RCAN2: variants seen among roughly 807,000 people sequenced by gnomAD.
The protein encoded by RCAN2 is calcipressin-2.
Under a neutral mutation model 23.6 loss-of-function variants are expected in RCAN2, and 9 were observed. That is an observed-to-expected ratio of 0.38 (90% CI 0.23 to 0.67). The LOEUF (loss-of-function observed/expected upper bound fraction) is 0.67, where lower values mean the gene tolerates loss of function less well. Ranked by LOEUF, RCAN2 falls within the 30% of genes least tolerant of loss-of-function variation. The pLI, the probability that RCAN2 is intolerant of heterozygous loss-of-function variation, is 0.51. For missense variants in RCAN2, 273 were observed against 302.3 expected, an observed-to-expected ratio of 0.90 and a Z score of 0.72; for synonymous variants, 109 against 115.7, an observed-to-expected ratio of 0.94 and a Z score of 0.37.
chr6:46,312,327 C>T (rs911960067), intron 2 of RCAN2, among the ~76,000 whole-genome samples: 1 of 152,146 alleles, frequency 6.6e-6, no homozygotes, highest in Non-Finnish European at 1.5e-5. Context: ...TATTTGCTCT[C>T]AGGAGGTGCC....
chr6:46,396,400 T>C (rs573579008), intron 2 of RCAN2, among the ~76,000 whole-genome samples: 2 of 152,114 alleles, frequency 1.3e-5, no homozygotes, highest in South Asian at 4.2e-4. Context: ...AGCTTCAGAG[T>C]TGGAGGTGAG....
chr6:46,237,996 C>T (rs1364131405), intron 4 of RCAN2, among the ~76,000 whole-genome samples: 2 of 152,158 alleles, frequency 1.3e-5, no homozygotes, highest in Non-Finnish European at 2.9e-5. Flanking sequence ...AACAGATGAC[C>T]CTTCCCCCTG....
chr6:46,401,758 T>A (rs1308122192), intron 2 of RCAN2, among the ~76,000 whole-genome samples: 1 of 152,148 alleles, frequency 6.6e-6, no homozygotes, highest in East Asian at 1.9e-4. Flanking sequence ...AAACCATAGA[T>A]ATAGTAATAG....
chr6:46,294,512 A>AT (rs1376878592), intron 2 of RCAN2, among the ~76,000 whole-genome samples: 12 of 152,010 alleles, frequency 7.9e-5, no homozygotes, highest in East Asian at 1.9e-4. Context: ...TTTAAGCACA[A>AT]TTTTTTTTAA....
chr6:46,478,934 A>C (rs1048362529), intron 1 of RCAN2, among the ~76,000 whole-genome samples: 1 of 152,236 alleles, frequency 6.6e-6, no homozygotes, highest in Non-Finnish European at 1.5e-5. Flanking sequence ...GGCGATGTGC[A>C]TACAACTGTG....
intron 4 of RCAN2, among the ~76,000 whole-genome samples, chr6:46,235,286 C>T (rs1442194070): frequency 6.6e-6 from 1 of 152,144 alleles, no homozygotes; most frequent in Non-Finnish European, 1.5e-5. Context: ...AAGTTTAGTG[C>T]CTGCTGGACA....
chr6:46,461,828 C>T (rs906730238), intron 1 of RCAN2, among the ~76,000 whole-genome samples: 3 of 152,046 alleles, frequency 2.0e-5, no homozygotes, highest in Non-Finnish European at 4.4e-5. Context: ...TCAGGTGATC[C>T]GCCTGCCTCA....
At chr6:46,396,463 C>T (rs1259585792) in intron 2 of RCAN2, among the ~76,000 whole-genome samples, 1 of 152,070 alleles carries the variant, frequency 6.6e-6, no homozygotes, top group African/African-American at 2.4e-5. Context: ...TCAAAAGACC[C>T]GTATTTGACC....
chr6:46,397,526 T>A (rs1766129459), intron 2 of RCAN2, among the ~76,000 whole-genome samples: 1 of 152,154 alleles, frequency 6.6e-6, no homozygotes, highest in Non-Finnish European at 1.5e-5. Context: ...ATGCTACCTT[T>A]GGGGGAAGCT....
intron 2 of RCAN2, among the ~76,000 whole-genome samples, chr6:46,451,523 G>C (rs943673353): frequency 6.6e-6 from 1 of 152,074 alleles, no homozygotes; most frequent in Non-Finnish European, 1.5e-5. Flanking sequence ...ATTGTGGACC[G>C]GCAGTTGTAA....
chr6:46,461,585 T>C (rs1032597292), intron 1 of RCAN2, among the ~76,000 whole-genome samples: 1 of 54,806 alleles, frequency 1.8e-5, no homozygotes. Flanking sequence ...CTTTTTTTTC[T>C]TTTTTTTTTT....
intron 2 of RCAN2, among the ~76,000 whole-genome samples, chr6:46,338,737 A>G (rs12055407): frequency 0.42 from 64,078 of 151,872 alleles, 14,963 homozygotes; most frequent in East Asian, 0.6. Context: ...GTTAGGCCAG[A>G]CATGGTGGCT....
At chr6:46,461,779 T>A (rs1032510182) in intron 1 of RCAN2, among the ~76,000 whole-genome samples, 1 of 151,196 alleles carries the variant, frequency 6.6e-6, no homozygotes, top group Non-Finnish European at 1.5e-5. Context: ...AGAGACGGAG[T>A]TTTTCCATGT....
intron 2 of RCAN2, among the ~76,000 whole-genome samples, chr6:46,427,494 G>T (rs1053240229): frequency 6.6e-6 from 1 of 152,174 alleles, no homozygotes; most frequent in Non-Finnish European, 1.5e-5. Context: ...CAGGAATATA[G>T]TGTTCAGAAC....
intron 1 of RCAN2, among the ~76,000 whole-genome samples, chr6:46,472,480 CT>C (rs1166506727): frequency 2.0e-5 from 3 of 152,168 alleles, no homozygotes; most frequent in African/African-American, 7.2e-5. Flanking sequence ...TGTCAAATCT[CT>C]CTGTGACTCT....
intron 2 of RCAN2, among the ~76,000 whole-genome samples, chr6:46,312,887 A>C (rs1763308541): frequency 6.6e-6 from 1 of 152,192 alleles, no homozygotes; most frequent in Non-Finnish European, 1.5e-5. Flanking sequence ...GTGCAGTCAC[A>C]GTTCACACTC....
At chr6:46,320,265 C>T (rs1400826719) in intron 2 of RCAN2, among the ~76,000 whole-genome samples, 1 of 152,178 alleles carries the variant, frequency 6.6e-6, no homozygotes, top group Non-Finnish European at 1.5e-5. Flanking sequence ...CAACACCCAC[C>T]TAAGTTTCTC....
chr6:46,480,631 GT>G (rs397713886), intron 1 of RCAN2, among the ~76,000 whole-genome samples: 10 of 148,698 alleles, frequency 6.7e-5, no homozygotes, highest in South Asian at 2.1e-4. Flanking sequence ...AGAGTTACTT[GT>G]TTTTTTTTTT....
chr6:46,375,610 C>G (rs928018129), intron 2 of RCAN2, among the ~76,000 whole-genome samples: 1 of 152,204 alleles, frequency 6.6e-6, no homozygotes, highest in Non-Finnish European at 1.5e-5. Context: ...TCCAGGAAAA[C>G]AATCCTCCAT....
Sources: gnomAD v4.1 joint callset for allele counts (sites outside exome capture counted in the v4.1 genomes callset) on GRCh38, gnomAD v4.1.1 for gene constraint, MANE v1.5 for transcripts, NCBI Gene and HGNC (gene_info 2026-07-23, HGNC 2026-07-21) for gene names.